The following CUBN variants were observed in gnomAD, a reference collection of about 807,000 sequenced individuals.
The protein encoded by CUBN is cubilin, also known as 460 kDa receptor.
Under a neutral mutation model 405.3 loss-of-function variants are expected in CUBN, and 282 were observed. The ratio of observed to expected loss-of-function variants is 0.70; its 90% CI spans 0.63 to 0.77. The LOEUF (loss-of-function observed/expected upper bound fraction) is 0.77. CUBN is among the 30% of genes least tolerant of loss of function. The pLI, the probability that CUBN is intolerant of heterozygous loss-of-function variation, is 0.00. For missense variants in CUBN, 4,514 were observed against 4,475.2 expected (o/e 1.01, Z -0.25); for synonymous variants, 1,684 against 1,617.0 (o/e 1.04, Z -0.99).
chr10:16,904,114 AC>A lies in CUBN; in HGVS notation c.7913del (p.Gly2638ValfsTer7). ...CQFDVLEFRV[G>X]DADGPLMWRL... ...TCCACATCAGGGGCCCATCAGCATC[AC>A]CTGAACAAAATAATATACCAAGTGC... is the stretch of plus-strand genomic sequence containing the variant. On this transcript the variant is annotated frameshift_variant and splice_region_variant, in exon 51 of 67. Coordinates refer to ENST00000377833, the MANE Select transcript of CUBN (RefSeq NM_001081.4). LOFTEE classifies it high-confidence loss of function. 6.2e-7 allele frequency: 1 copy of A among 1,613,738 alleles called. No individual in the cohort carries two copies. The highest frequency in any genetic ancestry group is 8.5e-7 in the Non-Finnish European group (1 of 1,179,676).
intron 10 of CUBN, among the ~76,000 whole-genome samples, chr10:17,107,172 G>C (rs1486437899): frequency 1.3e-5 from 2 of 152,190 alleles, no homozygotes; most frequent in Non-Finnish European, 2.9e-5. Flanking sequence ...CCAGCATCTT[G>C]ACAGTTTTCT....
intron 40 of CUBN, among the ~76,000 whole-genome samples, chr10:16,931,528 C>A (rs1041384425): frequency 6.6e-6 from 1 of 152,212 alleles, no homozygotes; most frequent in East Asian, 1.9e-4. Flanking sequence ...CTCTTTCAAG[C>A]CGCCCTGTGC....
chr10:17,014,690 G>A (rs952112627), intron 28 of CUBN, among the ~76,000 whole-genome samples: 2 of 152,180 alleles, frequency 1.3e-5, no homozygotes, highest in Non-Finnish European at 2.9e-5. Context: ...CGCCTGCTGG[G>A]ATGAGGCTTC....
At chr10:16,836,730 G>T (rs1220788100) in intron 62 of CUBN, among the ~76,000 whole-genome samples, 1 of 152,222 alleles carries the variant, frequency 6.6e-6, no homozygotes, top group Non-Finnish European at 1.5e-5. Flanking sequence ...TCCTCCTGGG[G>T]CTTTTGCCAT....
intron 31 of CUBN, among the ~76,000 whole-genome samples, chr10:16,968,960 C>A (rs963276004): frequency 1.3e-5 from 2 of 152,234 alleles, no homozygotes; most frequent in South Asian, 4.1e-4. Context: ...GTGTTGAAAC[C>A]TGCCTGCAAG....
chr10:16,827,842 C>G (rs1838832854), intron 66 of CUBN, among the ~76,000 whole-genome samples: 1 of 152,222 alleles, frequency 6.6e-6, no homozygotes, highest in South Asian at 2.1e-4. Context: ...CTCAAGTGAT[C>G]CACCTGCCTG....
chr10:17,065,785 A>C lies in CUBN; in HGVS notation c.3009-147T>G, dbSNP rs1835602036. ...TAAAACACAAATATATTTCAGGCAA[A>C]AAAGATTTGCAAACTTACGAAAGAT... On this transcript the variant is annotated intron_variant, in intron 21 of 66. Transcript: ENST00000377833. 5.0e-6 allele frequency: 5 copies of C among 996,976 alleles called. No individual in the cohort carries two copies. In the South Asian group the frequency reaches 7.1e-5, roughly 14 times the overall value. 61.8% of individuals were successfully genotyped at this position (996,976 alleles called of 1,614,324 possible).
At chr10:17,057,327 GA>G (rs913415868) in intron 22 of CUBN, among the ~76,000 whole-genome samples, 8 of 152,086 alleles carry the variant, frequency 5.3e-5, no homozygotes, top group Non-Finnish European at 1.2e-4. Context: ...GAAATGTCTA[GA>G]AAAAGGATGG....
chr10:17,020,916 C>T (rs906352494), intron 27 of CUBN, among the ~76,000 whole-genome samples: 1 of 152,074 alleles, frequency 6.6e-6, no homozygotes, highest in Non-Finnish European at 1.5e-5. Flanking sequence ...AATCATATGG[C>T]TCTTTATAAA....
At chr10:16,993,602 T>C (rs1833653483) in intron 28 of CUBN, among the ~76,000 whole-genome samples, 1 of 152,142 alleles carries the variant, frequency 6.6e-6, no homozygotes, top group African/African-American at 2.4e-5. Context: ...AAAATTTTAC[T>C]TTTAAGTATA....
At chr10:16,956,998 A>T (rs1348940550) in intron 31 of CUBN, among the ~76,000 whole-genome samples, 2 of 152,200 alleles carry the variant, frequency 1.3e-5, no homozygotes, top group Non-Finnish European at 2.9e-5. Context: ...CCATCAATTC[A>T]AACATTTATC....
Position 16,933,229 on chromosome 10 carries a change from C to A in CUBN, c.5982G>T (p.Pro1994=). 2 of 1,613,928 alleles carry A rather than the reference C, an allele frequency of 1.2e-6. No individual in the cohort carries two copies. Among genetic ancestry groups the A allele is most frequent in the South Asian group, 1.1e-5 (1 of 91,058 alleles). The change falls in exon 40 of 67, where the codon CCG becomes CCT. Residue 1994 remains proline, a synonymous_variant. Coordinates refer to ENST00000377833, the MANE Select transcript of CUBN (RefSeq NM_001081.4). The part of the protein sequence containing the change: ...TGDAPVFLFS[P]GWPDSYSNRV... ...TATTACTGTAACTGTCAGGCCAGCC[C>A]GGGGAGAAGAGAAACACGGGTGCAT... is the stretch of plus-strand genomic sequence containing the variant.
At chr10:16,872,672 T>C (rs952467396) in intron 58 of CUBN, among the ~76,000 whole-genome samples, 8 of 152,312 alleles carry the variant, frequency 5.3e-5, no homozygotes, top group Middle Eastern at 3.4e-3. Flanking sequence ...TTGTTGTTTA[T>C]AAGCCACCCA....
intron 59 of CUBN, among the ~76,000 whole-genome samples, chr10:16,864,880 C>G (rs1221342851): frequency 1.3e-5 from 2 of 150,622 alleles, no homozygotes; most frequent in African/African-American, 4.9e-5. Flanking sequence ...GAACTCCCGA[C>G]CTCAGGTGAT....
chr10:17,118,994 C>G (rs117190250), intron 6 of CUBN, among the ~76,000 whole-genome samples: 2,019 of 152,284 alleles, frequency 0.013, 18 homozygotes, highest in Non-Finnish European at 0.022. Flanking sequence ...TTTGAAAACA[C>G]TGCAAGTGCA....
At chr10:17,074,388 G>T (rs1321384731) in intron 17 of CUBN, among the ~76,000 whole-genome samples, 1 of 152,052 alleles carries the variant, frequency 6.6e-6, no homozygotes, top group Non-Finnish European at 1.5e-5. Context: ...AAGTAGCAAG[G>T]GACCAAAGAC....
At chr10:17,039,034 C>T (rs951730567) in intron 27 of CUBN, among the ~76,000 whole-genome samples, 4 of 152,112 alleles carry the variant, frequency 2.6e-5, no homozygotes, top group Admixed American at 2.0e-4. Context: ...TCAAATGAGT[C>T]GAAAGAAATG....
At chr10:17,072,787 G>A (rs939622519) in intron 17 of CUBN, among the ~76,000 whole-genome samples, 2 of 151,960 alleles carry the variant, frequency 1.3e-5, no homozygotes, top group Non-Finnish European at 2.9e-5. Flanking sequence ...CAAAGACACA[G>A]ATACTAAGAT....
At position 16,828,676 on chromosome 10, in the gene CUBN, C is replaced by A. The variant is rs112783364; in HGVS notation, c.10764+129G>T. Reference sequence around the variant, plus strand: ...GAGGTTGCAGTGAGTTGAGATTGCGCGCACCACTGCACTCCAGCCTGGGTG... The same window carrying A: ...GAGGTTGCAGTGAGTTGAGATTGCGAGCACCACTGCACTCCAGCCTGGGTG... On this transcript the variant is annotated intron_variant, in intron 66 of 66. Coordinates refer to ENST00000377833, the MANE Select transcript of CUBN (RefSeq NM_001081.4). 28 of 745,976 alleles carry A rather than the reference C, an allele frequency of 3.8e-5. No individual in the cohort carries two copies. The African/African-American group carries it at 4.6e-4, about 12-fold the overall frequency. 46.2% of individuals were successfully genotyped at this position (745,976 alleles called of 1,614,324 possible). A position where few individuals can be genotyped will look rare whatever the true frequency, so the allele number is the denominator to read the frequency against.
Sources: gnomAD v4.1 joint callset for allele counts (sites outside exome capture counted in the v4.1 genomes callset) on GRCh38, gnomAD v4.1.1 for gene constraint, MANE v1.5 for transcripts, NCBI Gene and HGNC (gene_info 2026-07-23, HGNC 2026-07-21) for gene names.